The following DCUN1D1 variants were observed in gnomAD, a reference collection of about 807,000 sequenced individuals.
The protein encoded by DCUN1D1 is defective in cullin neddylation 1 domain containing 1, also known as DCN1-like protein 1.
DCUN1D1 carries 3 observed loss-of-function variants against 39.0 expected under a neutral mutation model. That is an observed-to-expected ratio of 0.08 (90% CI 0.04 to 0.20). DCUN1D1 has a LOEUF of 0.20. Among genes scored for constraint, DCUN1D1 ranks in the 10% least tolerant of loss-of-function variants. DCUN1D1 has a pLI of 1.00. For synonymous variants in DCUN1D1, 82 were observed against 96.3 expected (o/e 0.85, Z 0.87); for missense variants, 158 against 302.4 (o/e 0.52, Z 3.54).
At chr3:182,966,810 C>A (rs766860883) in intron 1 of DCUN1D1, among the ~76,000 whole-genome samples, 3 of 152,090 alleles carry the variant, frequency 2.0e-5, no homozygotes, top group Non-Finnish European at 4.4e-5. Context: ...TGAATAGACA[C>A]AATATTCTGT....
At chr3:182,980,647 A>G (rs1443148748), upstream of DCUN1D1, 10 of 939,986 alleles carry the variant, frequency 1.1e-5, no homozygotes, top group Non-Finnish European at 1.3e-5. Flanking sequence ...GACCTCGGGG[A>G]GGCGGAGGGA....
upstream of DCUN1D1, among the ~76,000 whole-genome samples, chr3:182,981,903 C>G (rs1235963913): frequency 6.6e-6 from 1 of 152,224 alleles, no homozygotes; most frequent in East Asian, 1.9e-4. Context: ...AAGCTCCTTG[C>G]TGGGCTCTGG....
chr3:182,947,864 C>T (rs888469599), intron 4 of DCUN1D1, among the ~76,000 whole-genome samples: 5 of 152,110 alleles, frequency 3.3e-5, no homozygotes, highest in African/African-American at 4.8e-5. Context: ...ACTTATCTCA[C>T]GGGGGAATTC....
intron 3 of DCUN1D1, 127 bp downstream of exon 3, chr3:182,963,754 G>A: frequency 1.3e-6 from 1 of 796,524 alleles, no homozygotes; most frequent in Non-Finnish European, 1.9e-6. Flanking sequence ...AAACTAGCAA[G>A]TTAACCCATT....
Position 182,964,022 on chromosome 3 carries a change from A to G in DCUN1D1, c.248T>C (p.Ile83Thr). ...KDPQDENKIG[I>T]DGIQQFCDDL... ...ATCACAGAACTGCTGTATGCCATCT[A>G]TTCCAATTTTATTCTCATCTTGAGG... The change falls in exon 3 of 7, where the codon ATA becomes ACA. Residue 83 changes from isoleucine to threonine, a missense_variant. By Grantham distance (89) the Ile-to-Thr change is moderately conservative (BLOSUM62 -1). This residue lies in a region of DCUN1D1 where 107 missense variants were observed against 174.7 expected (regional missense o/e 0.61). Coordinates refer to ENST00000292782, the MANE Select transcript of DCUN1D1 (RefSeq NM_020640.4). 1.9e-6 allele frequency: 3 copies of G among 1,613,094 alleles called. No homozygotes were observed. Among genetic ancestry groups the G allele is most frequent in the Non-Finnish European group, 2.5e-6 (3 of 1,179,348 alleles).
chr3:182,972,476 C>T (rs558316624), intron 1 of DCUN1D1, among the ~76,000 whole-genome samples: 1 of 152,108 alleles, frequency 6.6e-6, no homozygotes, highest in Admixed American at 6.6e-5. Context: ...GAAATTAACT[C>T]CTTTTTAAGA....
At chr3:182,962,572 C>G (rs73066917) in intron 3 of DCUN1D1, among the ~76,000 whole-genome samples, 2,872 of 152,264 alleles carry the variant, frequency 0.019, 106 homozygotes, top group African/African-American at 0.066. Flanking sequence ...CCCTCTCCCC[C>G]CAAACCCCAG....
In DCUN1D1 at chr3:182,945,193, T is replaced by C. The variant is rs760403543; in HGVS notation, c.701-20A>G. 5 of 1,582,578 alleles carry C rather than the reference T, an allele frequency of 3.2e-6. No individual in the cohort carries two copies. The East Asian group carries it at 6.7e-5, about 21-fold the overall frequency. On this transcript the variant is annotated intron_variant, in intron 6 of 6. Coordinates refer to ENST00000292782, the MANE Select transcript of DCUN1D1 (RefSeq NM_020640.4). The stretch of plus-strand genomic sequence containing the variant: ...ATGCTCCTGGAAAAAAGAAAAAATA[T>C]GAAAGAAAGAGAAGGGGGAAAAAAG...
In DCUN1D1 at chr3:182,947,302, A is replaced by G. The variant is rs1157221240; in HGVS notation, c.636T>C (p.Thr212=). 1.2e-6 allele frequency: 2 copies of G among 1,609,994 alleles called. No individual in the cohort carries two copies. Among genetic ancestry groups the G allele is most frequent in the Non-Finnish European group, 1.7e-6 (2 of 1,178,188 alleles). ...EHHKRSIPKD[T]WNLLLDFSTM... The stretch of plus-strand genomic sequence containing the variant: ...TACTGAAGTCTAAAAGAAGATTCCA[A>G]GTGTCTTTTGGTATTGATCGTTTAT... Residue 212 remains threonine, a synonymous_variant, in exon 6 of 7, where the codon ACT becomes ACC. Coordinates refer to ENST00000292782, the MANE Select transcript of DCUN1D1 (RefSeq NM_020640.4).
upstream of DCUN1D1, chr3:182,980,629 C>G: frequency 9.8e-7 from 1 of 1,018,310 alleles, no homozygotes. Flanking sequence ...CCCGAGGAGG[C>G]AGCCCCGGAC....
upstream of DCUN1D1, among the ~76,000 whole-genome samples, chr3:182,984,824 A>C (rs532572231): frequency 1.3e-5 from 2 of 152,354 alleles, no homozygotes; most frequent in South Asian, 4.1e-4. Flanking sequence ...GAAAGAGCAG[A>C]AGTAATCTGA....
At chr3:182,975,458 G>A (rs1577200600) in intron 1 of DCUN1D1, among the ~76,000 whole-genome samples, 1 of 151,902 alleles carries the variant, frequency 6.6e-6, no homozygotes, top group Non-Finnish European at 1.5e-5. Flanking sequence ...TTACAGGTGT[G>A]AGCCACCGCG....
intron 1 of DCUN1D1, among the ~76,000 whole-genome samples, chr3:182,967,912 G>C (rs1727751481): frequency 6.6e-6 from 1 of 152,110 alleles, no homozygotes. Context: ...TTTCTCCCTT[G>C]AGTGACAGAG....
At chr3:182,963,726 A>C (rs981763714) in intron 3 of DCUN1D1, among the ~76,000 whole-genome samples, 155 bp downstream of exon 3, 1 of 152,236 alleles carries the variant, frequency 6.6e-6, no homozygotes, top group South Asian at 2.1e-4. Flanking sequence ...GACAAACCCA[A>C]AAAACTGTAT....
At chr3:182,963,500 T>C (rs9859394) in intron 3 of DCUN1D1, among the ~76,000 whole-genome samples, 3 of 152,192 alleles carry the variant, frequency 2.0e-5, no homozygotes, top group East Asian at 1.9e-4. Flanking sequence ...GTGAAACAAG[T>C]AGTAACTTCT....
intron 4 of DCUN1D1, among the ~76,000 whole-genome samples, chr3:182,953,205 A>C (rs10937104): frequency 6.6e-6 from 1 of 151,538 alleles, no homozygotes; most frequent in Non-Finnish European, 1.5e-5. Context: ...GACAGACTAA[A>C]GATGCTCTTG....
At chr3:182,984,452 T>C (rs1349464223), upstream of DCUN1D1, among the ~76,000 whole-genome samples, 2 of 152,334 alleles carry the variant, frequency 1.3e-5, no homozygotes, top group African/African-American at 4.8e-5. Context: ...GTTTCAAATA[T>C]TTAAGTTAAG....
upstream of DCUN1D1, among the ~76,000 whole-genome samples, chr3:182,984,380 AT>A (rs1471729054): frequency 6.6e-6 from 1 of 152,212 alleles, no homozygotes; most frequent in Non-Finnish European, 1.5e-5. Context: ...AAGATAAAGT[AT>A]AAATTACAAT....
intron 4 of DCUN1D1, among the ~76,000 whole-genome samples, chr3:182,960,087 A>T (rs1183858722): frequency 6.6e-6 from 1 of 152,178 alleles, no homozygotes; most frequent in Non-Finnish European, 1.5e-5. Flanking sequence ...TTTGTAAGTT[A>T]CCCAGTCTCA....
Sources: allele counts gnomAD v4.1 joint callset (sites outside exome capture counted in the v4.1 genomes callset), GRCh38; gene constraint gnomAD v4.1.1; regional missense constraint gnomAD v4.1.1; transcripts MANE v1.5; gene names NCBI Gene and HGNC (gene_info 2026-07-23, HGNC 2026-07-21).